The following CNDP2 variants were observed in gnomAD, a reference collection of about 807,000 sequenced individuals.
The protein encoded by CNDP2 is carnosine dipeptidase 2, also known as cytosolic non-specific dipeptidase.
In CNDP2, 38 loss-of-function variants were observed where a neutral mutation model predicts 55.0. The observed-to-expected ratio is 0.69, with a 90% CI of 0.53 to 0.90. The LOEUF is 0.90. Among genes scored for constraint, CNDP2 ranks in the 40% least tolerant of loss-of-function variants. The pLI, the probability that CNDP2 is intolerant of heterozygous loss-of-function variation, is 0.00. For synonymous variants in CNDP2, 241 were observed against 260.2 expected (o/e 0.93, Z 0.71); for missense variants, 607 against 621.7 (o/e 0.98, Z 0.25).
chr18:74,505,863 G>T lies in CNDP2; in HGVS notation c.219G>T (p.Ser73=). The T allele has an allele frequency of 1.2e-6, 2 of 1,611,900 alleles. No homozygotes were observed. The highest frequency in any genetic ancestry group is 1.7e-6 in the Non-Finnish European group (2 of 1,179,328). ...TCCATGCTCAGCTCCCTGATGGCTC[G>T]GAGATCCCGCTCCCTCCTATTCTGC... ...DIGKQKLPDG[S]EIPLPPILLG... is the part of the protein sequence containing the mutation. The change falls in exon 4 of 12, where the codon TCG becomes TCT. Residue 73 remains serine (S), a synonymous_variant. Transcript: ENST00000324262.
intron 9 of CNDP2, 54 bp from the exon 10 acceptor site, chr18:74,518,445 G>T: frequency 6.2e-7 from 1 of 1,607,838 alleles, no homozygotes; most frequent in Non-Finnish European, 8.5e-7. Context: ...ACTAGCACTG[G>T]ATCAAATGCA....
At chr18:74,513,342 C>T (rs1411110669) in intron 7 of CNDP2, among the ~76,000 whole-genome samples, 1 of 152,078 alleles carries the variant, frequency 6.6e-6, no homozygotes, top group Non-Finnish European at 1.5e-5. Flanking sequence ...GCCTGAGGCC[C>T]CGGACGGTGC....
intron 3 of CNDP2, among the ~76,000 whole-genome samples, chr18:74,503,459 T>C (rs1241474248): frequency 6.6e-6 from 1 of 152,186 alleles, no homozygotes; most frequent in Non-Finnish European, 1.5e-5. Context: ...TCAGAGTATT[T>C]TCAGCTGATG....
intron 9 of CNDP2, 111 bp from the exon 10 acceptor site, chr18:74,518,388 G>A: frequency 1.6e-6 from 2 of 1,254,894 alleles, no homozygotes; most frequent in Non-Finnish European, 2.3e-6. Flanking sequence ...CCTGTCAGAG[G>A]CCGATTGTAA....
chr18:74,509,043 C>T (rs992513430), intron 5 of CNDP2, 115 bp downstream of exon 5: 13 of 822,390 alleles, frequency 1.6e-5, no homozygotes, highest in East Asian at 5.4e-5. Flanking sequence ...ATAAGACAAG[C>T]GTCCCCCAGC....
chr18:74,516,601 C>A, intron 9 of CNDP2: 1 of 565,046 alleles, frequency 1.8e-6, no homozygotes, highest in Non-Finnish European at 3.0e-6. Flanking sequence ...ACTGATGAGG[C>A]AGGCCAAAAT....
Position 74,520,357 on chromosome 18 carries a change from G to T in CNDP2, c.*289G>T. On this transcript the variant is annotated 3_prime_UTR_variant, in exon 12 of 12. Coordinates refer to ENST00000324262, the MANE Select transcript of CNDP2 (RefSeq NM_018235.3). ...CAAGGTCCAAAAGCACAAGGTCTGC[G>T]GAAAGTTCTGGTTGTCGGCCGGGCA... The T allele has an allele frequency of 2.6e-6, 1 of 378,974 alleles. No homozygotes were observed. The highest frequency in any genetic ancestry group is 4.9e-6 in the Non-Finnish European group (1 of 204,030). The allele number at this position is 378,974 out of a possible 1,614,324, so 23.5% of individuals were successfully genotyped here.
chr18:74,508,556 C>T, intron 4 of CNDP2: 1 of 375,276 alleles, frequency 2.7e-6, no homozygotes, highest in Non-Finnish European at 5.0e-6. Flanking sequence ...CTGGAGGTCT[C>T]CACCCTGACC....
rs545357261 is a variant in CNDP2, at chr18:74,523,157, A to G, written c.*3089A>G. 70 of 152,378 alleles carry G rather than the reference A, an allele frequency of 4.6e-4. 1 individual carries two copies. The highest frequency in any genetic ancestry group is 1.6e-3 in the African/African-American group (67 of 41,582). 9.4% of individuals were successfully genotyped at this position (152,378 alleles called of 1,614,324 possible). A position where few individuals can be genotyped will look rare whatever the true frequency, so the allele number is the denominator to read the frequency against. On this transcript the variant is annotated 3_prime_UTR_variant, in exon 12 of 12. Coordinates refer to ENST00000324262, the MANE Select transcript of CNDP2 (RefSeq NM_018235.3). ...GTGGCATGGACATTTGCACACGTCC[A>G]GACTGCTTTATGTTAGAAGCTGAGC...
intron 11 of CNDP2, 110 bp downstream of exon 11, chr18:74,519,206 C>A: frequency 7.4e-7 from 1 of 1,353,898 alleles, no homozygotes. Context: ...GGGGTGATGG[C>A]CCCGTGACCT....
Position 74,523,426 on chromosome 18 carries a change from A to G in CNDP2, c.*3358A>G, listed in dbSNP as rs1980164110. The G allele has an allele frequency of 6.6e-6, 1 of 152,218 alleles. No individual in the cohort carries two copies. Among genetic ancestry groups the G allele is most frequent in the Admixed American group, 6.5e-5 (1 of 15,286 alleles). The allele number at this position is 152,218 out of a possible 1,614,324, so 9.4% of individuals were successfully genotyped here. A position where few individuals can be genotyped will look rare whatever the true frequency, so the allele number is the denominator to read the frequency against. On this transcript the variant is annotated 3_prime_UTR_variant, in exon 12 of 12. Coordinates refer to ENST00000324262, the MANE Select transcript of CNDP2 (RefSeq NM_018235.3). ...TCTCAAGTGGGAAACAGGCGTGGTAAATAAATACTGTTGTTTCAGCTGGTG... is the reference window on the plus strand; with the variant it reads ...TCTCAAGTGGGAAACAGGCGTGGTAGATAAATACTGTTGTTTCAGCTGGTG...
At chr18:74,502,190 A>G (rs1483160994) in intron 3 of CNDP2, among the ~76,000 whole-genome samples, 1 of 152,124 alleles carries the variant, frequency 6.6e-6, no homozygotes, top group South Asian at 2.1e-4. Context: ...CATAAGAGAT[A>G]TTTTGTGTGG....
intron 3 of CNDP2, among the ~76,000 whole-genome samples, chr18:74,502,821 G>A (rs909525232): frequency 2.0e-5 from 3 of 152,178 alleles, no homozygotes; most frequent in African/African-American, 7.2e-5. Context: ...TTTCATCAGA[G>A]GGAGAGAGTG....
intron 1 of CNDP2, chr18:74,497,924 A>C (rs905883592): frequency 1.3e-5 from 2 of 152,192 alleles, no homozygotes; most frequent in African/African-American, 4.8e-5. Flanking sequence ...AGCATATAAA[A>C]ATGGTTCCAT....
chr18:74,500,004 A>G lies in CNDP2; in HGVS notation c.31A>G (p.Ile11Val), dbSNP rs769698537. ...GGCCCTCACTACCCTGTTTAAGTAC[A>G]TAGATGAAAATCAGGATCGCTACAT... MAALTTLFKY[I>V]DENQDRYIKK... The change falls in exon 2 of 12, where the codon ATA becomes GTA. Residue 11 changes from isoleucine (I) to valine (V), a missense_variant. Physicochemically the swap from Ile to Val is conservative, Grantham distance 29 (BLOSUM62 3). Transcript: ENST00000324262. The G allele has an allele frequency of 2.5e-6, 4 of 1,614,152 alleles. No homozygotes were observed. Among genetic ancestry groups the G allele is most frequent in the East Asian group, 2.2e-5 (1 of 44,882 alleles).
chr18:74,500,109 A>G, intron 2 of CNDP2, 76 bp downstream of exon 2: 1 of 1,214,930 alleles, frequency 8.2e-7, no homozygotes, highest in Non-Finnish European at 1.2e-6. Context: ...GTCAAGAGCT[A>G]ATATGAATTA....
At chr18:74,518,729 T>C (rs1599074037) in intron 10 of CNDP2, 89 bp downstream of exon 10, 4 of 1,560,466 alleles carry the variant, frequency 2.6e-6, no homozygotes, top group East Asian at 2.2e-5. Context: ...TGTAGCTATG[T>C]CGGGGGCGCT....
At position 74,506,381 on chromosome 18, in the gene CNDP2, C is replaced by T. The variant is rs184887482; in HGVS notation, c.367+370C>T. Among the ~76,000 whole-genome samples, 1,071 of 152,220 alleles carry T rather than the reference C, an allele frequency of 7.0e-3. 8 individuals are homozygous for T. Among genetic ancestry groups the T allele is most frequent in the African/African-American group, 0.024 (1,013 of 41,528 alleles). The stretch of plus-strand genomic sequence containing the variant: ...ATCTCCTGACCTCAAGTGATCCCCC[C>T]CACCTCAGCCTCCCAAAGTGCTGGG... On this transcript the variant is annotated intron_variant, in intron 4 of 11. Coordinates refer to ENST00000324262, the MANE Select transcript of CNDP2 (RefSeq NM_018235.3).
rs1035287730 is a variant in CNDP2, at chr18:74,522,563, C to T, written c.*2495C>T. The stretch of plus-strand genomic sequence containing the variant: ...GGTCAGGCCATGAGGGCCCTGTCCT[C>T]CTGACTGAGTGAATGCTGTTATTGT... On this transcript the variant is annotated 3_prime_UTR_variant, in exon 12 of 12. Transcript: ENST00000324262. 2.0e-5 allele frequency: 3 copies of T among 152,444 alleles called. No individual in the cohort carries two copies. The highest frequency in any genetic ancestry group is 2.1e-4 in the South Asian group (1 of 4,832). The allele number at this position is 152,444 out of a possible 1,614,324, so 9.4% of individuals were successfully genotyped here.
Sources: gnomAD v4.1 joint callset for allele counts (sites outside exome capture counted in the v4.1 genomes callset) on GRCh38, gnomAD v4.1.1 for gene constraint, MANE v1.5 for transcripts, NCBI Gene and HGNC (gene_info 2026-07-23, HGNC 2026-07-21) for gene names.